The following ALX4 variants were observed in gnomAD, a reference collection of about 807,000 sequenced individuals.
ALX4 encodes the protein homeobox protein aristaless-like 4.
A neutral mutation model predicts 40.6 loss-of-function variants in ALX4; 22 were observed. The ratio of observed to expected loss-of-function variants is 0.54; its 90% CI spans 0.39 to 0.77. The LOEUF (loss-of-function observed/expected upper bound fraction) is 0.77. Ranked by LOEUF, ALX4 falls within the 30% of genes least tolerant of loss-of-function variation. The pLI is 0.00. For synonymous variants in ALX4, 266 were observed against 240.5 expected, an observed-to-expected ratio of 1.11 and a Z score of -0.98; for missense variants, 556 against 564.8, an observed-to-expected ratio of 0.98 and a Z score of 0.16.
In ALX4 at chr11:44,309,602, C is replaced by T. The variant is rs1287276795; in HGVS notation, c.461G>A (p.Cys154Tyr). Residue 154 changes from cysteine to tyrosine, a missense_variant, in exon 1 of 4, where the codon TGC becomes TAC. Physicochemically the swap from Cys to Tyr is radical, Grantham distance 194 (BLOSUM62 -2). Transcript: ENST00000652299. ...TGACCCGCACGTGCACTCACCGTAG[C>T]AGGGAACCTGCAAGGCCGCGCTGTG... The part of the protein sequence containing the change: ...SGHSAALQVP[C>Y]YAKESSLGEP... 1.9e-6 allele frequency: 3 copies of T among 1,584,312 alleles called. No individual in the cohort carries two copies. Among genetic ancestry groups the T allele is most frequent in the East Asian group, 4.5e-5 (2 of 44,068 alleles).
chr11:44,290,990 G>C (rs1053833536), intron 1 of ALX4, among the ~76,000 whole-genome samples: 1 of 152,182 alleles, frequency 6.6e-6, no homozygotes, highest in African/African-American at 2.4e-5. Context: ...ACGTTGCTCA[G>C]CCTGCAACTG....
chr11:44,308,495 C>T (rs1171119472), intron 1 of ALX4, among the ~76,000 whole-genome samples: 1 of 152,262 alleles, frequency 6.6e-6, no homozygotes, highest in Non-Finnish European at 1.5e-5. Flanking sequence ...GCTCAGGACT[C>T]CTGGCCCAGA....
At chr11:44,306,749 G>A (rs536590709) in intron 1 of ALX4, among the ~76,000 whole-genome samples, 3 of 152,306 alleles carry the variant, frequency 2.0e-5, no homozygotes, top group Admixed American at 2.0e-4. Context: ...GTCAATGCAT[G>A]CCTCAGTTTT....
chr11:44,306,078 G>A (rs901878907), intron 1 of ALX4, among the ~76,000 whole-genome samples: 2 of 152,168 alleles, frequency 1.3e-5, no homozygotes, highest in Non-Finnish European at 2.9e-5. Context: ...CCCTGGACTC[G>A]GGCAAGGAAT....
Position 44,264,775 on chromosome 11 carries a change from C to CTTAGGAAA in ALX4, c.*78_*79insTTTCCTAA, listed in dbSNP as rs780535907. 243 of 1,522,458 alleles carry CTTAGGAAA rather than the reference C, an allele frequency of 1.6e-4. No homozygotes were observed. The highest frequency in any genetic ancestry group is 1.1e-4 in the Non-Finnish European group (126 of 1,118,374). 94.3% of individuals were successfully genotyped at this position (1,522,458 alleles called of 1,614,324 possible). On this transcript the variant is annotated 3_prime_UTR_variant, in exon 4 of 4. Transcript: ENST00000652299. The stretch of plus-strand genomic sequence containing the variant: ...CAGGCCAGGTTCCTAAGAGGAAAGT[C>CTTAGGAAA]GAGTGGGAGGCTGGGGGCCTGGAAA...
intron 3 of ALX4, 72 bp downstream of exon 3, chr11:44,267,422 C>A: frequency 6.3e-7 from 1 of 1,592,958 alleles, no homozygotes; most frequent in Non-Finnish European, 8.6e-7. Flanking sequence ...TGCCTGGGCT[C>A]TCCTCCAAGG....
In ALX4 at chr11:44,309,731, T is replaced by TGCTGCTGCTGCG. The variant is rs1565013483; in HGVS notation, c.320_331dup (p.Pro107_Gln110dup). 6.4e-7 allele frequency: 1 copy of TGCTGCTGCTGCG among 1,552,428 alleles called. No homozygotes were observed. The highest frequency in any genetic ancestry group is 1.4e-5 in the African/African-American group (1 of 72,178). On this transcript the variant is annotated inframe_insertion, in exon 1 of 4. Transcript: ENST00000652299. ...TTGCGCGGGCGGCTGGGGCTGCGGC[T>TGCTGCTGCTGCG]GCTGCTGCTGCGGCTGCGGCTGCGG...
chr11:44,287,234 G>T (rs1479855711), intron 1 of ALX4, among the ~76,000 whole-genome samples: 6 of 152,200 alleles, frequency 3.9e-5, no homozygotes, highest in Non-Finnish European at 5.9e-5. Context: ...TCTAGAGATG[G>T]AGTGGGCTTC....
At chr11:44,283,068 G>A (rs895647024) in intron 1 of ALX4, among the ~76,000 whole-genome samples, 2 of 152,132 alleles carry the variant, frequency 1.3e-5, no homozygotes, top group Non-Finnish European at 2.9e-5. Context: ...CCAACACGGT[G>A]AAACCCCATC....
chr11:44,288,441 T>A (rs1039648783), intron 1 of ALX4, among the ~76,000 whole-genome samples: 3 of 152,226 alleles, frequency 2.0e-5, no homozygotes, highest in Admixed American at 1.3e-4. Flanking sequence ...GTATGTGGAC[T>A]AATGGAAAGA....
rs188793766 is a variant in ALX4 at position 44,300,369 on chromosome 11, C to T, written c.466+9228G>A. Among the ~76,000 whole-genome samples, 10 of 152,296 alleles carry T rather than the reference C, an allele frequency of 6.6e-5. No individual in the cohort carries two copies. In the East Asian group the frequency reaches 1.2e-3, roughly 18 times the overall value. ...TCCCCATTTGAAAGTGAGCTCCCTC[C>T]TTGAAGTCAGAGGCCATGGAGCTGG... On this transcript the variant is annotated intron_variant, in intron 1 of 3. Transcript: ENST00000652299.
chr11:44,309,180 T>TGTCCCGCAGCCCCGCAGCCCCGCAGCCC (rs1956488854), intron 1 of ALX4, among the ~76,000 whole-genome samples: 2 of 138,668 alleles, frequency 1.4e-5, no homozygotes, highest in Middle Eastern at 3.7e-3. Context: ...CCCCGCAGCC[T>TGTCCCGCAGCCCCGCAGCCCCGCAGCCC]CGCAGCCCCG....
chr11:44,271,659 T>C (rs1009039277), intron 2 of ALX4, among the ~76,000 whole-genome samples: 3 of 152,206 alleles, frequency 2.0e-5, no homozygotes, highest in Non-Finnish European at 4.4e-5. Context: ...AAATCTTTAA[T>C]TGTAAGCTAC....
At chr11:44,265,555 C>T (rs1956208687) in intron 3 of ALX4, among the ~76,000 whole-genome samples, 1 of 152,162 alleles carries the variant, frequency 6.6e-6, no homozygotes, top group Non-Finnish European at 1.5e-5. Context: ...CCAGCTCCTC[C>T]CCAGGCCCCT....
At chr11:44,303,876 T>G (rs983280837) in intron 1 of ALX4, among the ~76,000 whole-genome samples, 1 of 152,162 alleles carries the variant, frequency 6.6e-6, no homozygotes, top group Non-Finnish European at 1.5e-5. Context: ...TCCGCACCCC[T>G]CTACTGGGTG....
At chr11:44,283,108 A>G (rs1237278348) in intron 1 of ALX4, among the ~76,000 whole-genome samples, 2 of 152,084 alleles carry the variant, frequency 1.3e-5, no homozygotes, top group East Asian at 1.9e-4. Flanking sequence ...TTCGTCGGGC[A>G]TGGTGGCAGC....
rs1000117776 is a variant in ALX4 at position 44,264,776 on chromosome 11, G to C, written c.*78C>G. 1.3e-6 allele frequency: 2 copies of C among 1,526,644 alleles called. No individual in the cohort carries two copies. Among genetic ancestry groups the C allele is most frequent in the Non-Finnish European group, 1.8e-6 (2 of 1,120,104 alleles). 94.6% of individuals were successfully genotyped at this position (1,526,644 alleles called of 1,614,324 possible). On this transcript the variant is annotated 3_prime_UTR_variant, in exon 4 of 4. Transcript: ENST00000652299. ...AGGCCAGGTTCCTAAGAGGAAAGTCGAGTGGGAGGCTGGGGGCCTGGAAAA... is the reference window on the plus strand; with the variant it reads ...AGGCCAGGTTCCTAAGAGGAAAGTCCAGTGGGAGGCTGGGGGCCTGGAAAA...
At chr11:44,296,100 A>G (rs1343673584) in intron 1 of ALX4, among the ~76,000 whole-genome samples, 1 of 152,236 alleles carries the variant, frequency 6.6e-6, no homozygotes, top group Non-Finnish European at 1.5e-5. Flanking sequence ...ACATCAGAAG[A>G]TCATTCAGGG....
chr11:44,289,422 C>T (rs1186124442), intron 1 of ALX4, among the ~76,000 whole-genome samples: 1 of 152,186 alleles, frequency 6.6e-6, no homozygotes, highest in Non-Finnish European at 1.5e-5. Flanking sequence ...TGACCCTCCC[C>T]AGATCCCATG....
Sources: gnomAD v4.1 joint callset for allele counts (sites outside exome capture counted in the v4.1 genomes callset) on GRCh38, gnomAD v4.1.1 for gene constraint, MANE v1.5 for transcripts, NCBI Gene and HGNC (gene_info 2026-07-23, HGNC 2026-07-21) for gene names.